The following FUT9 variants were observed in gnomAD, a reference collection of about 807,000 sequenced individuals.
FUT9 encodes fucosyltransferase 9.
Under a neutral mutation model 29.7 loss-of-function variants are expected in FUT9, and 15 were observed. The observed-to-expected ratio is 0.51, with a 90% CI of 0.34 to 0.78. The LOEUF (loss-of-function observed/expected upper bound fraction) is 0.78, where lower values mean the gene tolerates loss of function less well. FUT9 is among the 30% of genes least tolerant of loss of function. FUT9 has a pLI of 0.01. For missense variants in FUT9, 319 were observed against 425.4 expected, an observed-to-expected ratio of 0.75 and a Z score of 2.20; for synonymous variants, 169 against 153.7, an observed-to-expected ratio of 1.10 and a Z score of -0.74.
intron 1 of FUT9, among the ~76,000 whole-genome samples, chr6:96,060,807 G>T (rs9485618): frequency 9.9e-5 from 15 of 152,086 alleles, no homozygotes; most frequent in South Asian, 6.2e-4. Flanking sequence ...CAAAGTGCTG[G>T]GATTACAGGC....
At chr6:96,030,855 A>G (rs1770248715) in intron 1 of FUT9, among the ~76,000 whole-genome samples, 1 of 151,540 alleles carries the variant, frequency 6.6e-6, no homozygotes, top group African/African-American at 2.4e-5. Context: ...ATGCTGCACA[A>G]TTACATTTAT....
At chr6:96,035,702 A>C (rs1374395754) in intron 1 of FUT9, among the ~76,000 whole-genome samples, 1 of 138,688 alleles carries the variant, frequency 7.2e-6, no homozygotes, top group Non-Finnish European at 1.5e-5. Context: ...TATACTAATA[A>C]ATATAATTTA....
chr6:96,165,800 G>A (rs1014682695), intron 2 of FUT9, among the ~76,000 whole-genome samples: 18 of 152,080 alleles, frequency 1.2e-4, no homozygotes, highest in South Asian at 1.0e-3. Flanking sequence ...ATTTTTAGTC[G>A]AGACGGAGTT....
In FUT9 at chr6:96,186,348, A is replaced by G. The variant is rs918982013; in HGVS notation, c.-8-16800A>G. ...TGCTAATTAGTTTCCCATGAGCTCA[A>G]AAGATGATCAGCCTGCAAAATTTGG... On this transcript the variant is annotated intron_variant, in intron 2 of 2. Coordinates refer to ENST00000302103, the MANE Select transcript of FUT9 (RefSeq NM_006581.4). Among the ~76,000 whole-genome samples, 14 of 152,270 alleles carry G rather than the reference A, an allele frequency of 9.2e-5. 1 individual carries two copies. Among genetic ancestry groups the G allele is most frequent in the Admixed American group, 5.2e-4 (8 of 15,274 alleles).
intron 2 of FUT9, among the ~76,000 whole-genome samples, chr6:96,180,254 T>G (rs1449599092): frequency 2.0e-5 from 3 of 152,138 alleles, no homozygotes; most frequent in Admixed American, 6.6e-5. Flanking sequence ...TCAATTCATT[T>G]TACATGCACA....
chr6:96,183,233 T>C (rs1441043286), intron 2 of FUT9, among the ~76,000 whole-genome samples: 1 of 152,008 alleles, frequency 6.6e-6, no homozygotes, highest in Non-Finnish European at 1.5e-5. Flanking sequence ...GAGTTCATGA[T>C]TTGATTCTTA....
intron 1 of FUT9, among the ~76,000 whole-genome samples, chr6:96,079,110 G>C (rs1431651489): frequency 6.6e-6 from 1 of 152,030 alleles, no homozygotes; most frequent in Non-Finnish European, 1.5e-5. Flanking sequence ...ATGTTCAGAG[G>C]CACCATGTTT....
rs188760077 is a variant in FUT9 at position 96,161,583 on chromosome 6, T to C, written c.-8-41565T>C. Among the ~76,000 whole-genome samples the C allele has an allele frequency of 5.8e-3, 878 of 152,308 alleles. 15 individuals are homozygous for C. The highest frequency in any genetic ancestry group is 0.02 in the African/African-American group (842 of 41,558). On this transcript the variant is annotated intron_variant, in intron 2 of 2. Transcript: ENST00000302103. The stretch of plus-strand genomic sequence containing the variant: ...GACATCTTTTGAAGAATTTAAATAG[T>C]TTCAGTGTTAGAGGTGACTGCCTGA...
intron 1 of FUT9, among the ~76,000 whole-genome samples, chr6:96,095,669 C>A (rs1771483148): frequency 6.6e-6 from 1 of 152,034 alleles, no homozygotes; most frequent in Admixed American, 6.6e-5. Flanking sequence ...CTCATCTTTA[C>A]AATTTCTATA....
intron 2 of FUT9, among the ~76,000 whole-genome samples, chr6:96,192,870 A>C (rs1362131700): frequency 1.3e-5 from 2 of 152,050 alleles, no homozygotes; most frequent in African/African-American, 4.8e-5. Context: ...GACCAATGGA[A>C]TAGAACAGAG....
At chr6:96,064,847 A>G (rs952498198) in intron 1 of FUT9, among the ~76,000 whole-genome samples, 9 of 152,194 alleles carry the variant, frequency 5.9e-5, no homozygotes, top group African/African-American at 2.2e-4. Context: ...TGAATGTCGA[A>G]GAAATCTGTT....
At chr6:96,073,218 AGACAG>A (rs1771091790) in intron 1 of FUT9, among the ~76,000 whole-genome samples, 1 of 152,186 alleles carries the variant, frequency 6.6e-6, no homozygotes, top group Non-Finnish European at 1.5e-5. Context: ...TGGGGGGCCA[AGACAG>A]GTGGATCACA....
chr6:96,115,840 CT>C (rs961864302), intron 2 of FUT9, among the ~76,000 whole-genome samples: 6 of 152,142 alleles, frequency 3.9e-5, no homozygotes, highest in African/African-American at 1.4e-4. Context: ...CAAATGTGTA[CT>C]TCTAAGCTAT....
At chr6:96,016,532 T>C (rs1407263726) in intron 1 of FUT9, among the ~76,000 whole-genome samples, 2 of 152,186 alleles carry the variant, frequency 1.3e-5, no homozygotes, top group East Asian at 3.9e-4. Context: ...TCATCTCTAC[T>C]GTTACTGTCC....
chr6:96,091,282 C>T (rs1771407622), intron 1 of FUT9, among the ~76,000 whole-genome samples: 1 of 151,982 alleles, frequency 6.6e-6, no homozygotes, highest in Non-Finnish European at 1.5e-5. Context: ...AGGTTAAATA[C>T]TGAATTTGAA....
chr6:96,019,430 T>C (rs1770033025), intron 1 of FUT9, among the ~76,000 whole-genome samples: 1 of 152,052 alleles, frequency 6.6e-6, no homozygotes, highest in African/African-American at 2.4e-5. Flanking sequence ...TATTATAAAA[T>C]GCAAATTTTA....
chr6:96,190,812 T>G (rs1773493474), intron 2 of FUT9, among the ~76,000 whole-genome samples: 5 of 152,168 alleles, frequency 3.3e-5, no homozygotes, highest in Admixed American at 3.3e-4. Flanking sequence ...ATTCATTTAA[T>G]CTTTTTTCAA....
At chr6:96,047,267 G>A (rs1445842939) in intron 1 of FUT9, among the ~76,000 whole-genome samples, 1 of 152,196 alleles carries the variant, frequency 6.6e-6, no homozygotes, top group Non-Finnish European at 1.5e-5. Context: ...TTATAAGTAT[G>A]TGTGACCCTC....
At chr6:96,150,498 A>G (rs1772656783) in intron 2 of FUT9, among the ~76,000 whole-genome samples, 1 of 152,180 alleles carries the variant, frequency 6.6e-6, no homozygotes, top group African/African-American at 2.4e-5. Context: ...CCTGATGTGC[A>G]CTTTAATCAT....
Sources: gnomAD v4.1 joint callset for allele counts (sites outside exome capture counted in the v4.1 genomes callset) on GRCh38, gnomAD v4.1.1 for gene constraint, MANE v1.5 for transcripts, NCBI Gene and HGNC (gene_info 2026-07-23, HGNC 2026-07-21) for gene names.